The following JPH1 variants were observed in gnomAD, a reference collection of about 807,000 sequenced individuals.
The protein encoded by JPH1 is junctophilin 1.
A neutral mutation model predicts 53.6 loss-of-function variants in JPH1; 12 were observed. The observed-to-expected ratio is 0.22, with a 90% CI of 0.14 to 0.36. JPH1 has a LOEUF of 0.36. Among genes scored for constraint, JPH1 ranks in the 10% least tolerant of loss-of-function variants. The pLI, the probability that JPH1 is intolerant of heterozygous loss-of-function variation, is 1.00. For synonymous variants in JPH1, 375 were observed against 363.8 expected, an observed-to-expected ratio of 1.03 and a Z score of -0.35; for missense variants, 808 against 905.5, an observed-to-expected ratio of 0.89 and a Z score of 1.38.
chr8:74,249,337 GA>G (rs1805966276), intron 3 of JPH1, among the ~76,000 whole-genome samples: 1 of 152,148 alleles, frequency 6.6e-6, no homozygotes, highest in Admixed American at 6.5e-5. Flanking sequence ...GTGAAAAGAG[GA>G]CCAGATTGAA....
chr8:74,272,990 G>A (rs1806750228), intron 2 of JPH1, among the ~76,000 whole-genome samples: 2 of 152,176 alleles, frequency 1.3e-5, no homozygotes, highest in South Asian at 4.1e-4. Context: ...CATAATTCCA[G>A]AAAACAGTTT....
intron 3 of JPH1, among the ~76,000 whole-genome samples, chr8:74,250,652 G>T (rs1407089799): frequency 6.6e-6 from 1 of 152,184 alleles, no homozygotes; most frequent in Non-Finnish European, 1.5e-5. Context: ...TATCATTAGT[G>T]TTAGTGCATT....
chr8:74,255,198 T>C (rs918476310), intron 3 of JPH1, among the ~76,000 whole-genome samples: 1 of 152,082 alleles, frequency 6.6e-6, no homozygotes, highest in Non-Finnish European at 1.5e-5. Context: ...AAAACAGAGA[T>C]ATAGACCAAT....
Position 74,236,916 on chromosome 8 carries a change from CA to C in JPH1, c.*134del. The C allele has an allele frequency of 4.1e-6, 1 of 242,546 alleles. No homozygotes were observed. Among genetic ancestry groups the C allele is most frequent in the Non-Finnish European group, 7.9e-6 (1 of 127,310 alleles). 15.0% of individuals were successfully genotyped at this position (242,546 alleles called of 1,614,324 possible). On this transcript the variant is annotated 3_prime_UTR_variant, in exon 6 of 6. Transcript: ENST00000342232. The stretch of plus-strand genomic sequence containing the variant: ...CCAAGTTTCATCTCTCTCGCGATCC[CA>C]TCCTAATTCCAAGCCTCCTTCCCTG...
chr8:74,244,790 A>C lies in JPH1; in HGVS notation c.1644T>G (p.Ser548=), dbSNP rs1563392792. The part of the protein sequence containing the change: ...IPNPSNGELH[S]QYHGYYVKLN... Reference sequence around the variant, plus strand: ...GCTTCACGTAGTAGCCGTGATACTGAGAATGCAGCTCCCCGTTACTGGGGT... The same window carrying C: ...GCTTCACGTAGTAGCCGTGATACTGCGAATGCAGCTCCCCGTTACTGGGGT... Residue 548 remains serine, a synonymous_variant, in exon 4 of 6, where the codon TCT becomes TCG. Transcript: ENST00000342232. 7 of 1,614,022 alleles carry C rather than the reference A, an allele frequency of 4.3e-6. No homozygotes were observed. The highest frequency in any genetic ancestry group is 5.9e-6 in the Non-Finnish European group (7 of 1,180,034).
chr8:74,321,243 G>A lies in JPH1; in HGVS notation c.45C>T (p.Cys15=), dbSNP rs1808315496. The part of the protein sequence containing the change: ...RFDFDDGGTY[C]GGWEEGKAHG... ...GCGCCTTGCCCTCCTCCCAGCCGCC[G>A]CAGTAGGTGCCGCCATCGTCGAAGT... Residue 15 remains cysteine, a synonymous_variant, in exon 1 of 6, where the codon TGC becomes TGT. Transcript: ENST00000342232. The surrounding 1 kb of genome is among the most constrained non-coding windows in gnomAD (Gnocchi z 4.3). 1 of 1,604,120 alleles carries A rather than the reference G, an allele frequency of 6.2e-7. No homozygotes were observed.
At chr8:74,238,375 A>G (rs1035941113) in intron 4 of JPH1, among the ~76,000 whole-genome samples, 18 of 152,212 alleles carry the variant, frequency 1.2e-4, no homozygotes, top group African/African-American at 3.4e-4. Flanking sequence ...GTCACACATC[A>G]TTGACTCAAG....
At chr8:74,307,357 A>C (rs1342629767) in intron 2 of JPH1, among the ~76,000 whole-genome samples, 1 of 152,232 alleles carries the variant, frequency 6.6e-6, no homozygotes, top group African/African-American at 2.4e-5. Flanking sequence ...CCTGCTATGA[A>C]GGGTAAGGTA....
At chr8:74,263,785 T>A (rs1240971406) in intron 2 of JPH1, among the ~76,000 whole-genome samples, 1 of 151,942 alleles carries the variant, frequency 6.6e-6, no homozygotes, top group Non-Finnish European at 1.5e-5. Flanking sequence ...ATTCCTGGGT[T>A]ATGGCACCAT....
chr8:74,282,732 C>G (rs1295137483), intron 2 of JPH1, among the ~76,000 whole-genome samples: 1 of 152,152 alleles, frequency 6.6e-6, no homozygotes, highest in African/African-American at 2.4e-5. Flanking sequence ...GAAATACATT[C>G]TAGTGTTCTA....
intron 2 of JPH1, among the ~76,000 whole-genome samples, chr8:74,260,629 C>T (rs1227859770): frequency 6.6e-6 from 1 of 152,120 alleles, no homozygotes; most frequent in Non-Finnish European, 1.5e-5. Flanking sequence ...TGGGAAAAGG[C>T]ATGGGCTTTG....
chr8:74,272,443 G>A (rs758831605), intron 2 of JPH1, among the ~76,000 whole-genome samples: 3 of 152,024 alleles, frequency 2.0e-5, no homozygotes, highest in South Asian at 4.1e-4. Context: ...ACTGGCAAAA[G>A]ATCACTGCTG....
intron 2 of JPH1, among the ~76,000 whole-genome samples, chr8:74,294,247 C>T (rs1416001547): frequency 1.3e-5 from 2 of 152,170 alleles, no homozygotes; most frequent in African/African-American, 4.8e-5. Flanking sequence ...TGCCACCTGC[C>T]CTCAGCTCCT....
rs189471339 is a variant in JPH1 at position 74,281,411 on chromosome 8, G to C, written c.1140-21908C>G. Reference sequence around the variant, plus strand: ...TACTGATCCCTCAGTGAGCCAGTTTGGTTAAGAGTGATGAAAATACTAAGT... The same window carrying C: ...TACTGATCCCTCAGTGAGCCAGTTTCGTTAAGAGTGATGAAAATACTAAGT... On this transcript the variant is annotated intron_variant, in intron 2 of 5. Coordinates refer to ENST00000342232, the MANE Select transcript of JPH1 (RefSeq NM_020647.4). 8.0e-3 allele frequency among the ~76,000 whole-genome samples: 1,220 copies of C among 152,252 alleles called. 16 individuals carry two copies. In the South Asian group the frequency reaches 0.084, roughly 10 times the overall value.
At chr8:74,312,650 G>A (rs1359574905) in intron 2 of JPH1, among the ~76,000 whole-genome samples, 2 of 152,066 alleles carry the variant, frequency 1.3e-5, no homozygotes, top group Non-Finnish European at 2.9e-5. Flanking sequence ...CTGAAACTTC[G>A]TATCTGTTGA....
chr8:74,258,530 T>A (rs1392959005), intron 3 of JPH1, among the ~76,000 whole-genome samples: 1 of 152,220 alleles, frequency 6.6e-6, no homozygotes, highest in Non-Finnish European at 1.5e-5. Flanking sequence ...TTGTCACTTT[T>A]ATTTCTTCCA....
intron 2 of JPH1, among the ~76,000 whole-genome samples, chr8:74,269,670 G>C (rs184186782): frequency 6.6e-5 from 10 of 152,346 alleles, no homozygotes; most frequent in Non-Finnish European, 1.3e-4. Context: ...GGCTCTGAGA[G>C]TCCACATGAT....
chr8:74,289,391 A>C (rs1807258000), intron 2 of JPH1, among the ~76,000 whole-genome samples: 1 of 152,218 alleles, frequency 6.6e-6, no homozygotes, highest in Non-Finnish European at 1.5e-5. Flanking sequence ...AATAATGGTG[A>C]TTAATGCTTT....
chr8:74,285,005 A>G (rs1487005670), intron 2 of JPH1, among the ~76,000 whole-genome samples: 1 of 151,888 alleles, frequency 6.6e-6, no homozygotes, highest in Non-Finnish European at 1.5e-5. Flanking sequence ...TTGTATTTTT[A>G]GTAGAGATGG....
Sources: gnomAD v4.1 joint callset for allele counts (sites outside exome capture counted in the v4.1 genomes callset) on GRCh38, gnomAD v4.1.1 for gene constraint, Gnocchi (gnomAD v3.1) non-coding constraint, MANE v1.5 for transcripts, NCBI Gene and HGNC (gene_info 2026-07-23, HGNC 2026-07-21) for gene names.